The following ADARB2 variants were observed in gnomAD, a reference collection of about 807,000 sequenced individuals.
ADARB2 encodes the protein inactive double-stranded RNA-specific editase B2.
A neutral mutation model predicts 62.2 loss-of-function variants in ADARB2; 25 were observed. That is an observed-to-expected ratio of 0.40 (90% CI 0.29 to 0.56). The LOEUF is 0.56. Ranked by LOEUF, ADARB2 falls within the 20% of genes least tolerant of loss-of-function variation. The pLI is 0.43. For synonymous variants in ADARB2, 572 were observed against 500.8 expected (o/e 1.14, Z -1.90); for missense variants, 1,071 against 1,077.4 (o/e 0.99, Z 0.08).
At chr10:1,600,711 A>G (rs1588318285) in intron 1 of ADARB2, among the ~76,000 whole-genome samples, 1 of 151,272 alleles carries the variant, frequency 6.6e-6, no homozygotes, top group Non-Finnish European at 1.5e-5. Context: ...AAAGGACACT[A>G]ATTTATTATG....
Position 1,363,324 on chromosome 10 carries a change from G to C in ADARB2, c.781C>G (p.Leu261Val). 8.1e-7 allele frequency: 1 copy of C among 1,237,428 alleles called. No homozygotes were observed. Among genetic ancestry groups the C allele is most frequent in the African/African-American group, 1.6e-5 (1 of 63,142 alleles). The allele number at this position is 1,237,428 out of a possible 1,614,324, so 76.7% of individuals were successfully genotyped here. The change falls in exon 3 of 10, where the codon CTG becomes GTG. Residue 261 changes from leucine (L) to valine (V), a missense_variant. Leu to Val is a conservative substitution (Grantham distance 32, BLOSUM62 1). Coordinates refer to ENST00000381312, the MANE Select transcript of ADARB2 (RefSeq NM_018702.4). ...GCGGGGGTCGGGCCCACCAGGTCCA[G>C]CGCGCGGCACAGCAGCCGCCGTCGC... ...YGRRRLLCRA[L>V]DLVGPTPATP...
At chr10:1,579,133 G>A (rs12256299) in intron 1 of ADARB2, among the ~76,000 whole-genome samples, 6 of 151,930 alleles carry the variant, frequency 3.9e-5, no homozygotes, top group Admixed American at 1.3e-4. Context: ...CTAGCACACC[G>A]CTTTATATCA....
intron 3 of ADARB2, among the ~76,000 whole-genome samples, chr10:1,318,915 G>A (rs573409782): frequency 6.6e-6 from 1 of 152,292 alleles, no homozygotes; most frequent in East Asian, 1.9e-4. Flanking sequence ...AATGACCCAG[G>A]GTAGATGGAC....
At chr10:1,364,892 C>T (rs1440132494) in intron 2 of ADARB2, among the ~76,000 whole-genome samples, 2 of 94,738 alleles carry the variant, frequency 2.1e-5, no homozygotes, top group African/African-American at 7.9e-5. Flanking sequence ...TTTTTTTTTG[C>T]GACGGAATCT....
At chr10:1,241,736 A>G (rs1830926427) in intron 5 of ADARB2, among the ~76,000 whole-genome samples, 1 of 152,178 alleles carries the variant, frequency 6.6e-6, no homozygotes, top group African/African-American at 2.4e-5. Flanking sequence ...AGGCAAGAAG[A>G]CAGCGCGTCT....
chr10:1,402,268 C>T (rs1314056713), intron 1 of ADARB2, among the ~76,000 whole-genome samples: 1 of 152,174 alleles, frequency 6.6e-6, no homozygotes, highest in African/African-American at 2.4e-5. Flanking sequence ...GTGCGCGCGC[C>T]GGTCTGGCCA....
chr10:1,428,724 G>C lies in ADARB2; in HGVS notation c.101-49564C>G, dbSNP rs576842150. 3.3e-5 allele frequency among the ~76,000 whole-genome samples: 5 copies of C among 152,248 alleles called. 1 individual carries two copies. Among genetic ancestry groups the C allele is most frequent in the African/African-American group, 1.2e-4 (5 of 41,546 alleles). On this transcript the variant is annotated intron_variant, in intron 1 of 9. Transcript: ENST00000381312. ...GTGCTTATGAAAGGGACAACATGGG[G>C]ACCTTGTGGTGACCGGATGTTCTGT...
intron 1 of ADARB2, among the ~76,000 whole-genome samples, chr10:1,716,240 G>A (rs1424581882): frequency 6.6e-6 from 1 of 152,232 alleles, no homozygotes; most frequent in East Asian, 1.9e-4. Context: ...GGCAGCCTCT[G>A]TAACTGCCCC....
At chr10:1,540,439 G>A (rs1017088825) in intron 1 of ADARB2, among the ~76,000 whole-genome samples, 6 of 151,792 alleles carry the variant, frequency 4.0e-5, no homozygotes, top group Non-Finnish European at 7.4e-5. Flanking sequence ...CCACTCAGAC[G>A]CAATTTGAAC....
chr10:1,727,622 T>C (rs921884449), intron 1 of ADARB2, among the ~76,000 whole-genome samples: 2 of 152,338 alleles, frequency 1.3e-5, no homozygotes, highest in Admixed American at 1.3e-4. Flanking sequence ...TACAAAGAAC[T>C]TTCATTTGAT....
intron 1 of ADARB2, among the ~76,000 whole-genome samples, chr10:1,405,604 C>G (rs2131874880): frequency 7.4e-6 from 1 of 135,222 alleles, no homozygotes; most frequent in Admixed American, 8.8e-5. Context: ...TGCACTCCAG[C>G]CTGGAAGAGT....
At chr10:1,611,468 C>T (rs1044480519) in intron 1 of ADARB2, among the ~76,000 whole-genome samples, 4 of 152,134 alleles carry the variant, frequency 2.6e-5, no homozygotes, top group Non-Finnish European at 5.9e-5. Flanking sequence ...TTGATTTTCT[C>T]CCTCTTGCTG....
chr10:1,363,001 T>TC, intron 3 of ADARB2, 27 bp downstream of exon 3: 1 of 1,305,202 alleles, frequency 7.7e-7, no homozygotes, highest in Non-Finnish European at 9.8e-7. Context: ...CGCCGCCCGT[T>TC]CCCCCTGCAC....
At chr10:1,458,602 C>T (rs1276654534) in intron 1 of ADARB2, among the ~76,000 whole-genome samples, 3 of 152,144 alleles carry the variant, frequency 2.0e-5, no homozygotes, top group Non-Finnish European at 1.5e-5. Context: ...CTTGGGGGTC[C>T]ACCGCTATGG....
chr10:1,724,909 A>G (rs528023351), intron 1 of ADARB2, among the ~76,000 whole-genome samples: 5 of 152,348 alleles, frequency 3.3e-5, no homozygotes, highest in Admixed American at 2.6e-4. Flanking sequence ...AAATGAAGAC[A>G]ATAAATGTCA....
At chr10:1,629,589 C>T (rs544063106) in intron 1 of ADARB2, among the ~76,000 whole-genome samples, 22 of 140,480 alleles carry the variant, frequency 1.6e-4, no homozygotes, top group Admixed American at 7.8e-4. Context: ...CCCCTCAGGT[C>T]GTCACAAAGG....
In ADARB2 at chr10:1,363,867, C is replaced by A. The variant is rs1457245886; in HGVS notation, c.238G>T (p.Ala80Ser). The A allele has an allele frequency of 2.7e-6, 4 of 1,503,716 alleles. No homozygotes were observed. Among genetic ancestry groups the A allele is most frequent in the Non-Finnish European group, 3.5e-6 (4 of 1,136,512 alleles). 93.1% of individuals were successfully genotyped at this position (1,503,716 alleles called of 1,614,324 possible). The change falls in exon 3 of 10, where the codon GCG becomes TCG. Residue 80 changes from alanine to serine, a missense_variant. Physicochemically the swap from Ala to Ser is moderately conservative, Grantham distance 99. Coordinates refer to ENST00000381312, the MANE Select transcript of ADARB2 (RefSeq NM_018702.4). ...KENRNVGNLA[A>S]RPPPSGDRAR... is the part of the protein sequence containing the mutation. ...CGGTCCCCGGAGGGCGGTGGCCGCG[C>A]GGCCAGGTTGCCCACGTTGCGGTTC... is the stretch of plus-strand genomic sequence containing the variant.
At chr10:1,592,145 C>T (rs904906311) in intron 1 of ADARB2, among the ~76,000 whole-genome samples, 10 of 152,214 alleles carry the variant, frequency 6.6e-5, no homozygotes, top group African/African-American at 1.9e-4. Context: ...ACCAGACACC[C>T]AGGATGGGAT....
At chr10:1,267,858 C>T (rs978284139) in intron 4 of ADARB2, among the ~76,000 whole-genome samples, 4 of 152,294 alleles carry the variant, frequency 2.6e-5, no homozygotes, top group African/African-American at 7.2e-5. Flanking sequence ...CTGCAACACT[C>T]TCATCAGATA....
Sources: allele counts gnomAD v4.1 joint callset (sites outside exome capture counted in the v4.1 genomes callset), GRCh38; gene constraint gnomAD v4.1.1; transcripts MANE v1.5; gene names NCBI Gene and HGNC (gene_info 2026-07-23, HGNC 2026-07-21).